Variants in MARCHF1 observed in about 807,000 individuals in gnomAD.
MARCHF1 encodes E3 ubiquitin-protein ligase MARCHF1.
Under a neutral mutation model 54.2 loss-of-function variants are expected in MARCHF1, and 40 were observed. The observed-to-expected ratio is 0.74, with a 90% confidence interval of 0.57 to 0.96. The LOEUF (loss-of-function observed/expected upper bound fraction) is 0.96, where lower values mean the gene tolerates loss of function less well. Among genes scored for constraint, MARCHF1 ranks in the 40% least tolerant of loss-of-function variants. The pLI is 0.00. For synonymous variants in MARCHF1, 236 were observed against 236.3 expected (o/e 1.00, Z 0.01); for missense variants, 586 against 656.5 (o/e 0.89, Z 1.17).
At chr4:163,862,560 CT>C (rs1488731534) in intron 3 of MARCHF1, among the ~76,000 whole-genome samples, 1 of 152,044 alleles carries the variant, frequency 6.6e-6, no homozygotes, top group East Asian at 1.9e-4. Flanking sequence ...ATACCAAATA[CT>C]GACAAGGATG....
chr4:164,081,068 A>AG (rs1755086596), intron 2 of MARCHF1, among the ~76,000 whole-genome samples: 1 of 148,428 alleles, frequency 6.7e-6, no homozygotes, highest in Non-Finnish European at 1.5e-5. Flanking sequence ...ATTAGCCGGG[A>AG]GCGGTGGCGG....
At chr4:163,548,120 T>C (rs1388803115) in intron 8 of MARCHF1, among the ~76,000 whole-genome samples, 2 of 152,220 alleles carry the variant, frequency 1.3e-5, no homozygotes, top group Admixed American at 6.5e-5. Context: ...GTTTTGGCTT[T>C]GGTTTATTGT....
intron 9 of MARCHF1, among the ~76,000 whole-genome samples, 180 bp from the exon 10 acceptor site, chr4:163,529,226 A>C (rs990013343): frequency 2.0e-5 from 3 of 152,008 alleles, no homozygotes; most frequent in Non-Finnish European, 2.9e-5. Context: ...ATTCCTTTTG[A>C]GTATCCTACA....
intron 5 of MARCHF1, among the ~76,000 whole-genome samples, chr4:163,643,152 T>C (rs1264515381): frequency 2.3e-5 from 2 of 85,226 alleles, no homozygotes; most frequent in Non-Finnish European, 2.3e-5. Context: ...GTATCTACTA[T>C]AAATACAAAA....
At chr4:163,584,435 G>C (rs925605544) in intron 8 of MARCHF1, 1 of 152,130 alleles carries the variant, frequency 6.6e-6, no homozygotes, top group Non-Finnish European at 1.5e-5. Context: ...AACTACTGCA[G>C]ACAATGCTCA....
intron 4 of MARCHF1, among the ~76,000 whole-genome samples, chr4:163,809,045 C>T (rs548716396): frequency 1.3e-5 from 2 of 152,246 alleles, no homozygotes; most frequent in Admixed American, 6.5e-5. Context: ...TTTTGCCTTT[C>T]CTCACCGCTT....
intron 7 of MARCHF1, among the ~76,000 whole-genome samples, chr4:163,590,433 T>C (rs148088128): frequency 1.1e-4 from 17 of 152,166 alleles, no homozygotes; most frequent in Non-Finnish European, 1.8e-4. Flanking sequence ...CCCACAGCAA[T>C]TTCTCTAGTG....
At chr4:164,028,242 A>G (rs563561545) in intron 2 of MARCHF1, among the ~76,000 whole-genome samples, 28 of 152,302 alleles carry the variant, frequency 1.8e-4, no homozygotes, top group African/African-American at 6.7e-4. Flanking sequence ...AAGGAAAATA[A>G]ATCAGTCTAC....
chr4:164,370,055 G>A (rs1193962136), intron 1 of MARCHF1, among the ~76,000 whole-genome samples: 2 of 152,164 alleles, frequency 1.3e-5, no homozygotes, highest in Non-Finnish European at 2.9e-5. Flanking sequence ...TACCATCATT[G>A]CAGCACATTC....
intron 4 of MARCHF1, 128 bp downstream of exon 4, chr4:163,853,893 T>C: frequency 1.5e-6 from 1 of 675,896 alleles, no homozygotes; most frequent in Non-Finnish European, 2.3e-6. Flanking sequence ...ATGAATATAT[T>C]ATATAATACA....
At chr4:164,239,557 C>T (rs1321121737) in intron 1 of MARCHF1, among the ~76,000 whole-genome samples, 3 of 152,028 alleles carry the variant, frequency 2.0e-5, no homozygotes, top group Non-Finnish European at 4.4e-5. Context: ...CTGGATTATA[C>T]AGTATTCAGA....
chr4:163,659,354 A>G (rs1743261750), intron 5 of MARCHF1, among the ~76,000 whole-genome samples: 2 of 152,252 alleles, frequency 1.3e-5, no homozygotes, highest in African/African-American at 4.8e-5. Flanking sequence ...AGCCATATGC[A>G]GAAAACAGAA....
intron 3 of MARCHF1, among the ~76,000 whole-genome samples, chr4:163,959,004 T>C (rs748938073): frequency 6.6e-6 from 1 of 151,648 alleles, no homozygotes; most frequent in African/African-American, 2.4e-5. Context: ...TGAAGGCAAT[T>C]TGAAGAAAAA....
intron 5 of MARCHF1, among the ~76,000 whole-genome samples, chr4:163,647,458 T>C (rs1382810123): frequency 6.6e-6 from 1 of 152,024 alleles, no homozygotes. Flanking sequence ...CATGAGAATA[T>C]GTATTTCTTT....
intron 3 of MARCHF1, among the ~76,000 whole-genome samples, chr4:163,896,817 G>T (rs1043193703): frequency 6.6e-6 from 1 of 152,122 alleles, no homozygotes; most frequent in South Asian, 2.1e-4. Flanking sequence ...ACAGGATTGG[G>T]AGGTAAGAGT....
intron 5 of MARCHF1, among the ~76,000 whole-genome samples, chr4:163,648,363 A>G (rs928656248): frequency 1.3e-5 from 2 of 151,926 alleles, no homozygotes; most frequent in Admixed American, 6.6e-5. Context: ...ACATGTACAG[A>G]ACATTGTCTA....
At chr4:164,049,402 C>T (rs1754309245) in intron 2 of MARCHF1, among the ~76,000 whole-genome samples, 1 of 151,980 alleles carries the variant, frequency 6.6e-6, no homozygotes, top group South Asian at 2.1e-4. Flanking sequence ...CAAACCATAT[C>T]AATTCATCTC....
At chr4:163,951,956 G>T (rs577324831) in intron 3 of MARCHF1, among the ~76,000 whole-genome samples, 4 of 152,198 alleles carry the variant, frequency 2.6e-5, no homozygotes, top group Admixed American at 1.3e-4. Flanking sequence ...AAAAGCACCC[G>T]TGTTTCCTTG....
At chr4:163,539,052 C>T (rs539332036) in intron 9 of MARCHF1, among the ~76,000 whole-genome samples, 1 of 150,072 alleles carries the variant, frequency 6.7e-6, no homozygotes, top group Admixed American at 6.6e-5. Flanking sequence ...CAGAGTCTTG[C>T]TTCTGTCACC....
Sources: gnomAD v4.1 joint callset for allele counts (sites outside exome capture counted in the v4.1 genomes callset) on GRCh38, gnomAD v4.1.1 for gene constraint, MANE v1.5 for transcripts, NCBI Gene and HGNC (gene_info 2026-07-23, HGNC 2026-07-21) for gene names.